COL21A1: variants seen among roughly 807,000 people sequenced by gnomAD.
COL21A1 encodes the protein collagen type XXI alpha 1 chain.
Under a neutral mutation model 137.9 loss-of-function variants are expected in COL21A1, and 149 were observed. The ratio of observed to expected loss-of-function variants is 1.08; its 90% CI spans 0.95 to 1.24. The LOEUF is 1.24. COL21A1 is among the 50% of genes most tolerant of loss of function. The pLI is 0.00. For missense variants in COL21A1, 1,167 were observed against 1,158.4 expected, an observed-to-expected ratio of 1.01 and a Z score of -0.11; for synonymous variants, 456 against 391.5, an observed-to-expected ratio of 1.16 and a Z score of -1.95.
rs759442632 is a variant in COL21A1 at position 56,166,823 on chromosome 6, T to C, written c.1278+83A>G. The C allele has an allele frequency of 1.1e-5, 11 of 982,620 alleles. No individual in the cohort carries two copies. The Admixed American group carries it at 1.4e-4, about 13-fold the overall frequency. 60.9% of individuals were successfully genotyped at this position (982,620 alleles called of 1,614,324 possible). A position where few individuals can be genotyped will look rare whatever the true frequency, so the allele number is the denominator to read the frequency against. ...AAATTAAGTCTACATATTAAATTAA[T>C]ACTCAGATAGTATCTGCTTTTTATT... is the stretch of plus-strand genomic sequence containing the variant. On this transcript the variant is annotated intron_variant, in intron 7 of 29. Transcript: ENST00000244728.
At chr6:56,220,545 GA>G (rs1422453529) in intron 1 of COL21A1, among the ~76,000 whole-genome samples, 3 of 152,112 alleles carry the variant, frequency 2.0e-5, no homozygotes, top group Non-Finnish European at 4.4e-5. Flanking sequence ...TTTTATTTAA[GA>G]ATGGTTCTGT....
Position 56,112,069 on chromosome 6 carries a change from G to A in COL21A1, c.1759-10544C>T, listed in dbSNP as rs114058147. Among the ~76,000 whole-genome samples, 200 of 152,000 alleles carry A rather than the reference G, an allele frequency of 1.3e-3. 4 individuals are homozygous for A. The highest frequency in any genetic ancestry group is 4.4e-3 in the African/African-American group (181 of 41,474). ...TTAAAGCTATAATAATTAAGACTGC[G>A]TTGTTGAGGAAAGAATATGGGTATA... On this transcript the variant is annotated intron_variant, in intron 16 of 29. Coordinates refer to ENST00000244728, the MANE Select transcript of COL21A1 (RefSeq NM_030820.4).
At chr6:56,269,514 G>A (rs1763472608) in intron 1 of COL21A1, among the ~76,000 whole-genome samples, 1 of 151,724 alleles carries the variant, frequency 6.6e-6, no homozygotes. Context: ...AATTAGCCGG[G>A]CGTAGTGGCG....
chr6:56,360,049 G>C (rs1346968168), intron 1 of COL21A1, among the ~76,000 whole-genome samples: 1 of 152,134 alleles, frequency 6.6e-6, no homozygotes, highest in Non-Finnish European at 1.5e-5. Flanking sequence ...GACAGAGAGA[G>C]GTTTTGAAGC....
In COL21A1 at chr6:56,112,126, T is replaced by C. The variant is rs1453541280; in HGVS notation, c.1759-10601A>G. On this transcript the variant is annotated intron_variant, in intron 16 of 29. Transcript: ENST00000244728. ...TGGAATGGAATTGAGAATCTAAAAA[T>C]AGTTTCCCACATATTGATCAATTCA... Among the ~76,000 whole-genome samples the C allele has an allele frequency of 2.0e-5, 3 of 152,220 alleles. No homozygotes were observed. In the South Asian group the frequency reaches 6.2e-4, roughly 32 times the overall value.
chr6:56,058,676 T>G (rs1238344282), intron 29 of COL21A1, among the ~76,000 whole-genome samples: 1 of 152,184 alleles, frequency 6.6e-6, no homozygotes, highest in Non-Finnish European at 1.5e-5. Flanking sequence ...AAAACATAAC[T>G]GTGATTGTCT....
chr6:56,129,663 G>T, intron 12 of COL21A1, among the ~76,000 whole-genome samples: 1 of 141,744 alleles, frequency 7.1e-6, no homozygotes, highest in African/African-American at 2.8e-5. Context: ...TGCTTCCTCT[G>T]TCACGTGCGT....
At chr6:56,247,912 G>A (rs954819210), upstream of COL21A1, among the ~76,000 whole-genome samples, 1 of 152,208 alleles carries the variant, frequency 6.6e-6, no homozygotes, top group Non-Finnish European at 1.5e-5. Context: ...TGCACTGATC[G>A]AAGGAGGCCT....
At chr6:56,244,015 C>T (rs923146165) in intron 1 of COL21A1, among the ~76,000 whole-genome samples, 3 of 152,120 alleles carry the variant, frequency 2.0e-5, no homozygotes, top group Non-Finnish European at 4.4e-5. Context: ...AAACACGTAT[C>T]CATTTCCTGT....
intron 1 of COL21A1, among the ~76,000 whole-genome samples, chr6:56,294,694 T>C (rs1229005243): frequency 6.6e-6 from 1 of 152,054 alleles, no homozygotes; most frequent in Non-Finnish European, 1.5e-5. Flanking sequence ...AATGTACAGT[T>C]CTCTAAATGA....
At chr6:56,240,336 T>C (rs1163971519) in intron 1 of COL21A1, among the ~76,000 whole-genome samples, 1 of 152,168 alleles carries the variant, frequency 6.6e-6, no homozygotes, top group Non-Finnish European at 1.5e-5. Context: ...GGTGCAGCCA[T>C]GAGGCGCCAC....
At chr6:56,070,371 T>C (rs1421195024) in intron 21 of COL21A1, among the ~76,000 whole-genome samples, 1 of 151,542 alleles carries the variant, frequency 6.6e-6, no homozygotes, top group East Asian at 1.9e-4. Context: ...TATTGTGAGT[T>C]CTATATCAAA....
chr6:56,286,224 G>T (rs528195405), intron 1 of COL21A1, among the ~76,000 whole-genome samples: 1 of 152,268 alleles, frequency 6.6e-6, no homozygotes, highest in African/African-American at 2.4e-5. Flanking sequence ...TTGAGGAAAG[G>T]TCAGTTTGAT....
intron 1 of COL21A1, among the ~76,000 whole-genome samples, chr6:56,365,095 T>C (rs1368762595): frequency 6.6e-6 from 1 of 152,204 alleles, no homozygotes; most frequent in African/African-American, 2.4e-5. Flanking sequence ...GCAACCCCTT[T>C]AATCTCAGGA....
chr6:56,324,660 A>C (rs549422960), intron 1 of COL21A1, among the ~76,000 whole-genome samples: 1 of 152,042 alleles, frequency 6.6e-6, no homozygotes, highest in African/African-American at 2.4e-5. Context: ...CCTCATCTGA[A>C]CAGCCACGGA....
intron 1 of COL21A1, among the ~76,000 whole-genome samples, chr6:56,372,977 C>A (rs528254251): frequency 6.6e-6 from 1 of 152,144 alleles, no homozygotes; most frequent in South Asian, 2.1e-4. Flanking sequence ...TGGCATATAA[C>A]CCAGACTACC....
chr6:56,254,417 C>G (rs1212606100), intron 1 of COL21A1, among the ~76,000 whole-genome samples: 1 of 152,138 alleles, frequency 6.6e-6, no homozygotes, highest in Non-Finnish European at 1.5e-5. Flanking sequence ...AGTGAAAGCA[C>G]ATAGTAAGTA....
chr6:56,276,814 TTG>T lies in COL21A1; in HGVS notation c.-38-94160_-38-94159del, dbSNP rs1491311946. The T allele has an allele frequency of 1.4e-4, 128 of 934,724 alleles. 2 individuals are homozygous for T. The highest frequency in any genetic ancestry group is 9.7e-4 in the Admixed American group (45 of 46,594). 57.9% of individuals were successfully genotyped at this position (934,724 alleles called of 1,614,324 possible). ...GTGAGTTGTGTTTTTTTTGTTTTTT[TTG>T]TTTTTTTTTTGAGACAGAGTCTCGC... is the stretch of plus-strand genomic sequence containing the variant. On this transcript the variant is annotated intron_variant, in intron 1 of 28. Transcript: ENST00000370819.
Position 56,260,977 on chromosome 6 carries a change from T to C in COL21A1, c.-38-78321A>G, listed in dbSNP as rs67454631. Among the ~76,000 whole-genome samples the C allele has an allele frequency of 1.4e-3, 210 of 151,840 alleles. 1 individual carries two copies. Among genetic ancestry groups the C allele is most frequent in the African/African-American group, 4.9e-3 (204 of 41,354 alleles). On this transcript the variant is annotated intron_variant, in intron 1 of 28. Transcript: ENST00000370819. ...TTGATTCTTTTCTTACATATTCAAG[T>C]CTAATAAATATATTTATTTGAAAGA...
Sources: gnomAD v4.1 joint callset for allele counts (sites outside exome capture counted in the v4.1 genomes callset) on GRCh38, gnomAD v4.1.1 for gene constraint, MANE v1.5 for transcripts, NCBI Gene and HGNC (gene_info 2026-07-23, HGNC 2026-07-21) for gene names.